Variants in MGST3 observed in about 807,000 individuals in gnomAD.
The protein encoded by MGST3 is microsomal glutathione S-transferase 3, also known as glutathione S-transferase 3, mitochondrial.
Under a neutral mutation model 15.8 loss-of-function variants are expected in MGST3, and 13 were observed. The ratio of observed to expected loss-of-function variants is 0.82; its 90% CI spans 0.54 to 1.31. The LOEUF (loss-of-function observed/expected upper bound fraction) is 1.31. Ranked by LOEUF, MGST3 falls within the 50% of genes most tolerant of loss-of-function variation. The pLI is 0.00. For missense variants in MGST3, 155 were observed against 192.4 expected, an observed-to-expected ratio of 0.81 and a Z score of 1.15; for synonymous variants, 49 against 68.1, an observed-to-expected ratio of 0.72 and a Z score of 1.38.
intron 1 of MGST3, among the ~76,000 whole-genome samples, chr1:165,638,342 T>C (rs556974098): frequency 6.6e-6 from 1 of 151,194 alleles, no homozygotes; most frequent in South Asian, 2.1e-4. Context: ...TAGCTGGGCA[T>C]GGTGGCACAC....
chr1:165,645,094 AT>A lies in MGST3; in HGVS notation c.-7-4738del, dbSNP rs112220116. ...TTTCTTCATATCCTTATTCTATAAG[AT>A]TTTTTTTTCTATGTTTTAAATACTT... On this transcript the variant is annotated intron_variant, in intron 1 of 5. Coordinates refer to ENST00000367889, the MANE Select transcript of MGST3 (RefSeq NM_004528.4). Among the ~76,000 whole-genome samples, 11 of 151,442 alleles carry A rather than the reference AT, an allele frequency of 7.3e-5. 1 individual carries two copies. The highest frequency in any genetic ancestry group is 2.1e-4 in the South Asian group (1 of 4,766).
chr1:165,644,637 T>A (rs1229321746), intron 1 of MGST3, among the ~76,000 whole-genome samples: 1 of 152,242 alleles, frequency 6.6e-6, no homozygotes, highest in Non-Finnish European at 1.5e-5. Flanking sequence ...AATAATAAGT[T>A]AAACTAGATT....
At chr1:165,645,060 C>CA (rs1648361733) in intron 1 of MGST3, among the ~76,000 whole-genome samples, 1 of 151,916 alleles carries the variant, frequency 6.6e-6, no homozygotes, top group South Asian at 2.1e-4. Context: ...CATGCCCGGC[C>CA]AAAAATTGTT....
intron 5 of MGST3, 103 bp from the exon 6 acceptor site, chr1:165,655,265 C>G (rs960809185): frequency 6.1e-6 from 9 of 1,473,548 alleles, no homozygotes; most frequent in Non-Finnish European, 7.5e-6. Context: ...GCCAGTTTGT[C>G]TAATGTACAA....
At chr1:165,639,367 C>T (rs746847085) in intron 1 of MGST3, among the ~76,000 whole-genome samples, 1 of 152,188 alleles carries the variant, frequency 6.6e-6, no homozygotes, top group Non-Finnish European at 1.5e-5. Context: ...AGCTGTGGGA[C>T]CTTAGGCAAA....
intron 1 of MGST3, chr1:165,649,602 GA>G: frequency 4.1e-6 from 2 of 488,928 alleles, no homozygotes; most frequent in Admixed American, 3.4e-5. Context: ...GCACAAAAGA[GA>G]AAAAAAGATA....
At chr1:165,654,495 A>AGCCTGG (rs1376203390) in intron 5 of MGST3, 144 bp downstream of exon 5, 2 of 754,788 alleles carry the variant, frequency 2.6e-6, no homozygotes, top group African/African-American at 3.5e-5. Context: ...GTTGGATACC[A>AGCCTGG]GCCTGGGCAA....
intron 3 of MGST3, chr1:165,651,357 T>TGTAAAA: frequency 2.0e-6 from 1 of 509,032 alleles, no homozygotes; most frequent in Admixed American, 3.2e-5. Flanking sequence ...GCATGACCCA[T>TGTAAAA]CTAAACCGAT....
At chr1:165,638,466 C>T (rs986616166) in intron 1 of MGST3, among the ~76,000 whole-genome samples, 1 of 151,928 alleles carries the variant, frequency 6.6e-6, no homozygotes, top group African/African-American at 2.4e-5. Context: ...GAGGGGGACC[C>T]TGTCTCAAAA....
At chr1:165,649,263 C>A in intron 1 of MGST3, 1 of 157,784 alleles carries the variant, frequency 6.3e-6, no homozygotes, top group South Asian at 1.9e-4. Flanking sequence ...TCACAGTGTC[C>A]CCCATGTCTG....
intron 5 of MGST3, among the ~76,000 whole-genome samples, 182 bp downstream of exon 5, chr1:165,654,533 A>G (rs1464600983): frequency 6.6e-6 from 1 of 152,142 alleles, no homozygotes; most frequent in Non-Finnish European, 1.5e-5. Flanking sequence ...TCTACAAAAA[A>G]TACAAAAATT....
chr1:165,654,322 T>C lies in MGST3; in HGVS notation c.293T>C (p.Val98Ala). ...GGCTTGGCCTGGATTGTTGGACGAG[T>C]TCTTTATGCTTATGGCTATTACACG... ...GLGLAWIVGR[V>A]LYAYGYYTGE... Residue 98 changes from valine (V) to alanine (A), a missense_variant, in exon 5 of 6, where the codon GTT becomes GCT. Coordinates refer to ENST00000367889, the MANE Select transcript of MGST3 (RefSeq NM_004528.4). 6.2e-7 allele frequency: 1 copy of C among 1,614,016 alleles called. No homozygotes were observed. The highest frequency in any genetic ancestry group is 1.1e-5 in the South Asian group (1 of 91,072).
chr1:165,635,593 T>G (rs1648088553), intron 1 of MGST3: 1 of 152,242 alleles, frequency 6.6e-6, no homozygotes, highest in Non-Finnish European at 1.5e-5. Context: ...AGCAATTGTT[T>G]TCAGTACCAA....
chr1:165,653,475 A>G (rs776821403), intron 4 of MGST3, among the ~76,000 whole-genome samples: 13 of 152,174 alleles, frequency 8.5e-5, no homozygotes, highest in Non-Finnish European at 1.5e-4. Context: ...TCCTGTTGAC[A>G]TTTAATGTTA....
intron 1 of MGST3, among the ~76,000 whole-genome samples, chr1:165,633,352 C>G (rs1242352739): frequency 6.6e-6 from 1 of 152,210 alleles, no homozygotes; most frequent in Non-Finnish European, 1.5e-5. Context: ...AATCATAGAT[C>G]TTGCTGTTAC....
chr1:165,641,727 G>A lies in MGST3; in HGVS notation c.-7-8114G>A, dbSNP rs9333428. Among the ~76,000 whole-genome samples the A allele has an allele frequency of 9.8e-3, 1,495 of 152,148 alleles. 50 individuals carry two copies. The highest frequency in any genetic ancestry group is 0.059 in the Admixed American group (900 of 15,280). On this transcript the variant is annotated intron_variant, in intron 1 of 5. Transcript: ENST00000367889. Reference sequence around the variant, plus strand: ...ATTAGATACATCCTAAAGCTTGCAGGGGCTATGTATGAATACAGGTCTGTC... The same window carrying A: ...ATTAGATACATCCTAAAGCTTGCAGAGGCTATGTATGAATACAGGTCTGTC...
chr1:165,654,173 T>G (rs1648641444), intron 4 of MGST3, 106 bp from the exon 5 acceptor site: 3 of 1,105,464 alleles, frequency 2.7e-6, no homozygotes, highest in South Asian at 2.5e-5. Context: ...GGCCAAATCA[T>G]CAAATTGTTA....
At chr1:165,649,297 G>GT (rs1266758052) in intron 1 of MGST3, 2 of 165,822 alleles carry the variant, frequency 1.2e-5, no homozygotes, top group Non-Finnish European at 2.6e-5. Context: ...TGGAATCACT[G>GT]TGCATATACT....
At position 165,651,921 on chromosome 1, in the gene MGST3, C is replaced by G. The variant is rs371422430; in HGVS notation, c.192-57C>G. 9.9e-6 allele frequency: 7 copies of G among 706,132 alleles called. No homozygotes were observed. The African/African-American group carries it at 1.3e-4, about 13-fold the overall frequency. The allele number at this position is 706,132 out of a possible 1,614,324, so 43.7% of individuals were successfully genotyped here. Reference sequence around the variant, plus strand: ...AAAAAAAAAAAAAAAATTCATAATTCTACACAGGCATACTTAAAAAGGGCA... The same window carrying G: ...AAAAAAAAAAAAAAAATTCATAATTGTACACAGGCATACTTAAAAAGGGCA... On this transcript the variant is annotated intron_variant, in intron 3 of 5. Coordinates refer to ENST00000367889, the MANE Select transcript of MGST3 (RefSeq NM_004528.4).
Sources: gnomAD v4.1 joint callset for allele counts (sites outside exome capture counted in the v4.1 genomes callset) on GRCh38, gnomAD v4.1.1 for gene constraint, MANE v1.5 for transcripts, NCBI Gene and HGNC (gene_info 2026-07-23, HGNC 2026-07-21) for gene names.